Variants in SGCD observed in about 807,000 individuals in gnomAD.
The protein encoded by SGCD is sarcoglycan delta.
SGCD carries 18 observed loss-of-function variants against 36.6 expected under a neutral mutation model. The observed-to-expected ratio is 0.49, with a 90% CI of 0.34 to 0.73. SGCD has a LOEUF of 0.73. SGCD is among the 30% of genes least tolerant of loss of function. The pLI is 0.01. For synonymous variants in SGCD, 133 were observed against 130.6 expected, an observed-to-expected ratio of 1.02 and a Z score of -0.12; for missense variants, 387 against 346.7, an observed-to-expected ratio of 1.12 and a Z score of -0.92.
At chr5:156,272,956 C>A (rs891501408) in intron 3 of SGCD, among the ~76,000 whole-genome samples, 4 of 152,190 alleles carry the variant, frequency 2.6e-5, no homozygotes, top group East Asian at 1.9e-4. Context: ...AAGCCAAACG[C>A]CTTTACTATC....
chr5:155,881,245 G>A (rs992314263), intron 1 of SGCD, among the ~76,000 whole-genome samples: 6 of 151,162 alleles, frequency 4.0e-5, no homozygotes, highest in Non-Finnish European at 7.4e-5. Context: ...ACCACTTACA[G>A]GCATAGCTTG....
At chr5:155,856,530 G>A in the SGCD span, among the ~76,000 whole-genome samples, 1 of 151,494 alleles carries the variant, frequency 6.6e-6, no homozygotes, top group African/African-American at 2.4e-5. Flanking sequence ...AAGGACAACT[G>A]TTTTGAAAGA....
chr5:156,614,006 G>T (rs1359536678), intron 6 of SGCD, among the ~76,000 whole-genome samples: 1 of 152,116 alleles, frequency 6.6e-6, no homozygotes, highest in Non-Finnish European at 1.5e-5. Context: ...GGGTACACTA[G>T]TGCGATCTCA....
chr5:155,935,018 G>A (rs1757167775), intron 1 of SGCD, among the ~76,000 whole-genome samples: 1 of 152,176 alleles, frequency 6.6e-6, no homozygotes, highest in Admixed American at 6.5e-5. Context: ...GCTTGGGGAT[G>A]GTGGCAGCAG....
intron 3 of SGCD, among the ~76,000 whole-genome samples, chr5:156,194,959 G>A (rs908256727): frequency 6.6e-6 from 1 of 152,126 alleles, no homozygotes; most frequent in African/African-American, 2.4e-5. Flanking sequence ...CTGTGGCATT[G>A]GTGATGATGA....
intron 1 of SGCD, among the ~76,000 whole-genome samples, chr5:156,023,643 A>G (rs766044003): frequency 3.3e-5 from 5 of 152,182 alleles, no homozygotes; most frequent in Non-Finnish European, 7.4e-5. Flanking sequence ...TCAGGTGCCA[A>G]AGTGTTGAGA....
intron 2 of SGCD, among the ~76,000 whole-genome samples, chr5:156,123,580 C>T (rs1244284121): frequency 6.6e-6 from 1 of 152,122 alleles, no homozygotes; most frequent in African/African-American, 2.4e-5. Context: ...CTTTTGCTCT[C>T]CCATCCTCAG....
intron 2 of SGCD, among the ~76,000 whole-genome samples, chr5:156,332,084 A>G (rs1324576986): frequency 6.6e-6 from 1 of 152,188 alleles, no homozygotes; most frequent in African/African-American, 2.4e-5. Flanking sequence ...GTAATAGGCC[A>G]GTGTCTGGAC....
At chr5:155,763,615 G>A in the SGCD span, among the ~76,000 whole-genome samples, 8 of 152,204 alleles carry the variant, frequency 5.3e-5, no homozygotes, top group African/African-American at 9.6e-5. Flanking sequence ...AAACTAAAGC[G>A]ACATCAAAGA....
the SGCD span, among the ~76,000 whole-genome samples, chr5:155,742,864 C>T: frequency 6.6e-6 from 1 of 152,188 alleles, no homozygotes; most frequent in African/African-American, 2.4e-5. Context: ...ATTACCCTCT[C>T]CTCTGATTTC....
chr5:155,845,194 C>T, the SGCD span, among the ~76,000 whole-genome samples: 1 of 152,110 alleles, frequency 6.6e-6, no homozygotes, highest in African/African-American at 2.4e-5. Flanking sequence ...ATGGGTTTGC[C>T]TACCTTTCAT....
intron 2 of SGCD, among the ~76,000 whole-genome samples, chr5:156,332,733 C>T (rs924394650): frequency 3.0e-4 from 45 of 152,106 alleles, no homozygotes; most frequent in Non-Finnish European, 2.9e-5. Context: ...ACCACCTCAT[C>T]GGATTATAGC....
At chr5:156,303,443 C>G (rs983636156) in intron 3 of SGCD, among the ~76,000 whole-genome samples, 4 of 151,880 alleles carry the variant, frequency 2.6e-5, no homozygotes, top group African/African-American at 7.3e-5. Context: ...AATCTGGAAC[C>G]CCAGGAGCCC....
chr5:156,112,991 G>T (rs1167808235), intron 1 of SGCD, among the ~76,000 whole-genome samples: 3 of 152,126 alleles, frequency 2.0e-5, no homozygotes, highest in Non-Finnish European at 4.4e-5. Flanking sequence ...CAATGGTTTT[G>T]CAATTATAGT....
chr5:155,941,664 T>G (rs183838160), intron 1 of SGCD, among the ~76,000 whole-genome samples: 1 of 152,040 alleles, frequency 6.6e-6, no homozygotes, highest in Non-Finnish European at 1.5e-5. Context: ...CTAAGGTTTT[T>G]CTGAATGCCT....
intron 3 of SGCD, among the ~76,000 whole-genome samples, chr5:156,155,192 T>TTATC (rs552740090): frequency 1.5e-4 from 22 of 151,696 alleles, no homozygotes; most frequent in Non-Finnish European, 2.4e-4. Context: ...CTATGAAAAA[T>TTATC]TATCTATCTA....
intron 1 of SGCD, among the ~76,000 whole-genome samples, chr5:155,990,443 C>T (rs1758409440): frequency 2.0e-5 from 3 of 152,128 alleles, no homozygotes. Flanking sequence ...AAGGAAAGCA[C>T]ATGCATGATC....
At chr5:156,364,503 TCATC>T (rs1318920870) in intron 3 of SGCD, among the ~76,000 whole-genome samples, 1 of 152,202 alleles carries the variant, frequency 6.6e-6, no homozygotes, top group Non-Finnish European at 1.5e-5. Flanking sequence ...GAAAAACCCT[TCATC>T]CATTTCTAGG....
chr5:155,942,318 G>GTATCTATC (rs1215503536), intron 1 of SGCD, among the ~76,000 whole-genome samples: 3,754 of 73,248 alleles, frequency 0.051, 100 homozygotes, highest in Admixed American at 0.12. Context: ...ATGTATGTAT[G>GTATCTATC]TATGTATGTA....
Sources: allele counts gnomAD v4.1 joint callset (sites outside exome capture counted in the v4.1 genomes callset), GRCh38; gene constraint gnomAD v4.1.1; transcripts MANE v1.5; gene names NCBI Gene and HGNC (gene_info 2026-07-23, HGNC 2026-07-21).